RFX3: variants seen among roughly 807,000 people sequenced by gnomAD.
RFX3 encodes regulatory factor X3, also known as transcription factor RFX3.
A neutral mutation model predicts 98.6 loss-of-function variants in RFX3; 14 were observed. The observed-to-expected ratio is 0.14, with a 90% CI of 0.09 to 0.22. The LOEUF is 0.22. Among genes scored for constraint, RFX3 ranks in the 10% least tolerant of loss-of-function variants. The pLI, the probability that RFX3 is intolerant of heterozygous loss-of-function variation, is 1.00. For synonymous variants in RFX3, 383 were observed against 328.4 expected (o/e 1.17, Z -1.80); for missense variants, 639 against 926.9 (o/e 0.69, Z 4.03).
chr9:3,235,439 T>C (rs1819017094), intron 15 of RFX3, among the ~76,000 whole-genome samples: 1 of 152,170 alleles, frequency 6.6e-6, no homozygotes, highest in African/African-American at 2.4e-5. Flanking sequence ...GAATATAGCT[T>C]TCATACTGTA....
intron 11 of RFX3, among the ~76,000 whole-genome samples, chr9:3,269,113 T>C (rs533239519): frequency 6.6e-6 from 1 of 152,104 alleles, no homozygotes; most frequent in Non-Finnish European, 1.5e-5. Context: ...GGAAACTTGC[T>C]GTAGGTAGAG....
intron 1 of RFX3, among the ~76,000 whole-genome samples, chr9:3,463,728 TG>T (rs1165854127): frequency 2.6e-5 from 4 of 152,064 alleles, no homozygotes; most frequent in African/African-American, 9.7e-5. Flanking sequence ...CCCAACACTT[TG>T]GGAGGCCATG....
rs190591217 is a variant in RFX3 at position 3,323,152 on chromosome 9, T to C, written c.474+7107A>G. On this transcript the variant is annotated intron_variant, in intron 4 of 16. Transcript: ENST00000617270. ...AATAAAGACAACAACTGGAGTTACA[T>C]GTACTGAGAAAGTGGTAATCAAATC... 2.6e-5 allele frequency among the ~76,000 whole-genome samples: 4 copies of C among 152,320 alleles called. No individual in the cohort carries two copies. The East Asian group carries it at 7.7e-4, about 29-fold the overall frequency.
intron 1 of RFX3, among the ~76,000 whole-genome samples, chr9:3,477,021 T>C (rs1419005235): frequency 6.6e-6 from 1 of 152,138 alleles, no homozygotes; most frequent in Non-Finnish European, 1.5e-5. Context: ...TACATATATG[T>C]CACTAGCTCA....
At chr9:3,427,259 A>T (rs35835962) in intron 1 of RFX3, among the ~76,000 whole-genome samples, 25 of 144,308 alleles carry the variant, frequency 1.7e-4, no homozygotes, top group African/African-American at 6.0e-4. Context: ...TATATATAAT[A>T]CTATATATAT....
intron 4 of RFX3, chr9:3,323,848 T>C (rs1831580933): frequency 5.4e-6 from 1 of 183,736 alleles, no homozygotes; most frequent in Non-Finnish European, 1.3e-5. Flanking sequence ...TGGAATGTCT[T>C]ACAGCCCTAA....
At chr9:3,428,792 A>G (rs1470545544) in intron 1 of RFX3, among the ~76,000 whole-genome samples, 1 of 152,182 alleles carries the variant, frequency 6.6e-6, no homozygotes, top group Non-Finnish European at 1.5e-5. Context: ...TAAAAATTTA[A>G]AACATTTACA....
Position 3,222,146 on chromosome 9 carries a change from A to T in RFX3, c.*2896T>A, listed in dbSNP as rs1817370204. ...TTTTCACAATTCAAATTCGAAATTG[A>T]TGAAAATGTTTGTGTGTATGTCTGT... On this transcript the variant is annotated 3_prime_UTR_variant, in exon 17 of 17. Coordinates refer to ENST00000617270, the MANE Select transcript of RFX3 (RefSeq NM_001282116.2). 1 of 152,158 alleles carries T rather than the reference A, an allele frequency of 6.6e-6. No individual in the cohort carries two copies. Among genetic ancestry groups the T allele is most frequent in the Admixed American group, 6.5e-5 (1 of 15,280 alleles). The allele number at this position is 152,158 out of a possible 1,614,324, so 9.4% of individuals were successfully genotyped here. A position where few individuals can be genotyped will look rare whatever the true frequency, so the allele number is the denominator to read the frequency against.
chr9:3,504,925 T>C (rs1450372700), intron 1 of RFX3, among the ~76,000 whole-genome samples: 1 of 73,672 alleles, frequency 1.4e-5, no homozygotes, highest in South Asian at 3.8e-4. Context: ...ATATAACATA[T>C]ATTATATATA....
intron 15 of RFX3, among the ~76,000 whole-genome samples, chr9:3,229,235 GC>G (rs1818166877): frequency 6.6e-6 from 1 of 152,170 alleles, no homozygotes. Context: ...ATTTGGAAAA[GC>G]CCCAATCAAG....
Position 3,453,663 on chromosome 9 carries a change from T to C in RFX3, c.-8-58067A>G, listed in dbSNP as rs147315836. ...AGGCAGAGGTTGCAGTGAGCCAAGATGGTGCCACTGTACTCCAGCCTGGGC... is the reference window on the plus strand; with the variant it reads ...AGGCAGAGGTTGCAGTGAGCCAAGACGGTGCCACTGTACTCCAGCCTGGGC... On this transcript the variant is annotated intron_variant, in intron 1 of 16. Coordinates refer to ENST00000617270, the MANE Select transcript of RFX3 (RefSeq NM_001282116.2). The C allele has an allele frequency of 8.7e-3, 1,285 of 147,766 alleles. 12 individuals are homozygous for C. Among genetic ancestry groups the C allele is most frequent in the East Asian group, 0.022 (108 of 5,020 alleles). 9.2% of individuals were successfully genotyped at this position (147,766 alleles called of 1,614,324 possible).
At chr9:3,289,941 T>G (rs184789175) in intron 6 of RFX3, among the ~76,000 whole-genome samples, 1 of 151,968 alleles carries the variant, frequency 6.6e-6, no homozygotes, top group East Asian at 1.9e-4. Context: ...TAGTTCATTT[T>G]AAAAAAAAGT....
chr9:3,381,869 T>C (rs1190758107), intron 2 of RFX3, among the ~76,000 whole-genome samples: 2 of 152,196 alleles, frequency 1.3e-5, no homozygotes, highest in Non-Finnish European at 2.9e-5. Context: ...GGCCAATCTG[T>C]AAACCAGAAA....
chr9:3,518,950 A>C (rs566820417), intron 1 of RFX3, among the ~76,000 whole-genome samples: 134 of 152,328 alleles, frequency 8.8e-4, no homozygotes, highest in African/African-American at 3.0e-3. Flanking sequence ...ATGTAGAATA[A>C]TTCTTTGATA....
intron 14 of RFX3, among the ~76,000 whole-genome samples, chr9:3,251,715 A>G (rs1268543420): frequency 2.0e-5 from 3 of 152,220 alleles, no homozygotes; most frequent in African/African-American, 7.2e-5. Context: ...CATTCATTAT[A>G]TAATAATACA....
At chr9:3,313,725 T>C (rs1830234882) in intron 4 of RFX3, among the ~76,000 whole-genome samples, 1 of 152,158 alleles carries the variant, frequency 6.6e-6, no homozygotes, top group Non-Finnish European at 1.5e-5. Context: ...ACGTGAAGGA[T>C]GCACAAGCTT....
rs1421402647 is a variant in RFX3 at position 3,415,115 on chromosome 9, TA to T, written c.-8-19520del. ...ATATACTCATATATAAGTATATATATATACTTATATATATACTCTTATCTAT... is the reference window on the plus strand; with the variant it reads ...ATATACTCATATATAAGTATATATATTACTTATATATATACTCTTATCTAT... On this transcript the variant is annotated intron_variant, in intron 1 of 16. Transcript: ENST00000617270. 2.3e-4 allele frequency among the ~76,000 whole-genome samples: 21 copies of T among 92,282 alleles called. 1 individual carries two copies. The highest frequency in any genetic ancestry group is 1.6e-3 in the African/African-American group (19 of 11,974). The allele number at this position is 92,282 out of a possible 152,430, so 60.5% of individuals were successfully genotyped here.
chr9:3,436,171 T>A (rs1254501687), intron 1 of RFX3, among the ~76,000 whole-genome samples: 2 of 152,060 alleles, frequency 1.3e-5, no homozygotes, highest in Non-Finnish European at 1.5e-5. Context: ...TCCTAACAGC[T>A]TTACCTATGG....
chr9:3,415,533 T>C lies in RFX3; in HGVS notation c.-8-19937A>G, dbSNP rs374062440. On this transcript the variant is annotated intron_variant, in intron 1 of 16. Transcript: ENST00000617270. ...CATTACTGAAGGCAGGTTGCTGCTG[T>C]TAGATGCTGGGAAAGATCCCAAGAA... Among the ~76,000 whole-genome samples the C allele has an allele frequency of 5.9e-4, 90 of 152,268 alleles. 3 individuals carry two copies. The South Asian group carries it at 0.019, about 32-fold the overall frequency.
Sources: gnomAD v4.1 joint callset for allele counts (sites outside exome capture counted in the v4.1 genomes callset) on GRCh38, gnomAD v4.1.1 for gene constraint, MANE v1.5 for transcripts, NCBI Gene and HGNC (gene_info 2026-07-23, HGNC 2026-07-21) for gene names.